The following ADAMDEC1 variants were observed in gnomAD, a reference collection of about 807,000 sequenced individuals.
ADAMDEC1 encodes the protein ADAM DEC1.
Under a neutral mutation model 60.4 loss-of-function variants are expected in ADAMDEC1, and 62 were observed. The ratio of observed to expected loss-of-function variants is 1.03; its 90% CI spans 0.84 to 1.27. ADAMDEC1 has a LOEUF of 1.27. Among genes scored for constraint, ADAMDEC1 ranks in the 50% most tolerant of loss-of-function variants. The pLI is 0.00. For missense variants in ADAMDEC1, 595 were observed against 565.0 expected, an observed-to-expected ratio of 1.05 and a Z score of -0.54; for synonymous variants, 210 against 195.1, an observed-to-expected ratio of 1.08 and a Z score of -0.64.
chr8:24,405,362 C>T lies in ADAMDEC1; in HGVS notation c.*64C>T. The T allele has an allele frequency of 1.3e-6, 2 of 1,574,132 alleles. No homozygotes were observed. The highest frequency in any genetic ancestry group is 1.7e-6 in the Non-Finnish European group (2 of 1,150,226). On this transcript the variant is annotated 3_prime_UTR_variant, in exon 14 of 14. Transcript: ENST00000256412. ...GACAAGAACCAAGAACTCTAACTGTCCCAGGAATCTTGTGAATTTTCACCC... is the reference window on the plus strand; with the variant it reads ...GACAAGAACCAAGAACTCTAACTGTTCCAGGAATCTTGTGAATTTTCACCC...
At chr8:24,386,457 C>T (rs1360671326) in intron 1 of ADAMDEC1, among the ~76,000 whole-genome samples, 1 of 152,158 alleles carries the variant, frequency 6.6e-6, no homozygotes, top group African/African-American at 2.4e-5. Flanking sequence ...TAAAACCACG[C>T]CAGAAGTTTC....
At chr8:24,404,208 C>T (rs928473504) in intron 13 of ADAMDEC1, 120 bp downstream of exon 13, 14 of 844,934 alleles carry the variant, frequency 1.7e-5, no homozygotes, top group Middle Eastern at 2.3e-4. Context: ...ATTTTTCAAA[C>T]GACTCAATTT....
intron 11 of ADAMDEC1, among the ~76,000 whole-genome samples, chr8:24,400,724 G>T (rs191343899): frequency 6.6e-6 from 1 of 150,938 alleles, no homozygotes; most frequent in African/African-American, 2.4e-5. Context: ...TGCCATGTTG[G>T]TGTGCTGCAC....
intron 1 of ADAMDEC1, among the ~76,000 whole-genome samples, chr8:24,388,469 CCTCT>C (rs1164803280): frequency 1.3e-5 from 2 of 151,970 alleles, no homozygotes; most frequent in Admixed American, 1.3e-4. Flanking sequence ...TCATGTTTTT[CCTCT>C]CTTTCTTTCT....
intron 3 of ADAMDEC1, among the ~76,000 whole-genome samples, chr8:24,393,548 C>A (rs549058376): frequency 3.3e-5 from 5 of 152,286 alleles, no homozygotes; most frequent in Admixed American, 2.6e-4. Context: ...AAATGACTTT[C>A]TTCCTTGACC....
chr8:24,397,263 C>T lies in ADAMDEC1; in HGVS notation c.441-7C>T, dbSNP rs773635842. The T allele has an allele frequency of 3.1e-6, 5 of 1,606,102 alleles. No individual in the cohort carries two copies. The Admixed American group carries it at 5.2e-5, about 17-fold the overall frequency. On this transcript the variant is annotated splice_region_variant and splice_polypyrimidine_tract_variant and intron_variant, in intron 5 of 13. Transcript: ENST00000256412. Reference sequence around the variant, plus strand: ...AATCCTGAAATATAAGTCTCTATATCTCCCAGAGGATACTTCACACATCAT... The same window carrying T: ...AATCCTGAAATATAAGTCTCTATATTTCCCAGAGGATACTTCACACATCAT...
chr8:24,385,639 C>T (rs1817272375), intron 1 of ADAMDEC1, among the ~76,000 whole-genome samples: 1 of 152,078 alleles, frequency 6.6e-6, no homozygotes, highest in Admixed American at 6.6e-5. Flanking sequence ...CTAAAACACA[C>T]CATCCCAATG....
At chr8:24,388,794 G>A (rs542886337) in intron 1 of ADAMDEC1, among the ~76,000 whole-genome samples, 199 of 152,222 alleles carry the variant, frequency 1.3e-3, no homozygotes, top group African/African-American at 4.6e-3. Flanking sequence ...GCAGGTCTAC[G>A]CAAATCTGCC....
chr8:24,391,649 C>A (rs553765817), intron 1 of ADAMDEC1, among the ~76,000 whole-genome samples: 2 of 152,128 alleles, frequency 1.3e-5, no homozygotes, highest in Non-Finnish European at 2.9e-5. Context: ...CCAACAAAAA[C>A]TTTATTTCTT....
At chr8:24,385,133 T>C (rs558731698) in intron 1 of ADAMDEC1, among the ~76,000 whole-genome samples, 8 of 152,300 alleles carry the variant, frequency 5.3e-5, no homozygotes, top group African/African-American at 1.9e-4. Flanking sequence ...TGACACACTA[T>C]ACACACCCTA....
At chr8:24,400,518 C>A (rs975870011) in intron 11 of ADAMDEC1, among the ~76,000 whole-genome samples, 1 of 151,876 alleles carries the variant, frequency 6.6e-6, no homozygotes, top group African/African-American at 2.4e-5. Flanking sequence ...ATATTACATT[C>A]TTAACCTAGT....
intron 1 of ADAMDEC1, among the ~76,000 whole-genome samples, chr8:24,388,500 T>C (rs953294043): frequency 3.9e-5 from 6 of 152,108 alleles, no homozygotes; most frequent in African/African-American, 1.4e-4. Flanking sequence ...TCCTCTCTCT[T>C]TCCTTTTCCA....
chr8:24,386,436 C>T (rs1817294607), intron 1 of ADAMDEC1, among the ~76,000 whole-genome samples: 1 of 152,162 alleles, frequency 6.6e-6, no homozygotes, highest in South Asian at 2.1e-4. Flanking sequence ...ATTTGTATTG[C>T]TTTATGTGTA....
intron 1 of ADAMDEC1, among the ~76,000 whole-genome samples, chr8:24,388,454 TA>T (rs1253783579): frequency 2.0e-5 from 3 of 152,134 alleles, no homozygotes; most frequent in African/African-American, 7.2e-5. Context: ...GGGGGCATCA[TA>T]TTCTCATGTT....
At chr8:24,397,841 T>C in intron 7 of ADAMDEC1, 96 bp downstream of exon 7, 2 of 1,166,812 alleles carry the variant, frequency 1.7e-6, no homozygotes, top group Non-Finnish European at 2.5e-6. Context: ...TAGCTAATCA[T>C]GGGGCATTTG....
rs746344939 is a variant in ADAMDEC1 at position 24,397,453 on chromosome 8, A to T, written c.624A>T (p.Pro208=). The T allele has an allele frequency of 6.2e-7, 1 of 1,613,356 alleles. No individual in the cohort carries two copies. The highest frequency in any genetic ancestry group is 8.5e-7 in the Non-Finnish European group (1 of 1,179,768). Reference sequence around the variant, plus strand: ...GAATCTCTAGATCACTCAAAAGCCCAGAGGTGAATACAATTCCCTTACCTC... The same window carrying T: ...GAATCTCTAGATCACTCAAAAGCCCTGAGGTGAATACAATTCCCTTACCTC... ...PIRISRSLKS[P]EKEDFLRAQK... Residue 208 remains proline (P), a synonymous_variant, in exon 6 of 14, where the codon CCA becomes CCT. Coordinates refer to ENST00000256412, the MANE Select transcript of ADAMDEC1 (RefSeq NM_014479.3).
chr8:24,405,130 G>GT (rs1246532427), intron 13 of ADAMDEC1, among the ~76,000 whole-genome samples, 162 bp from the exon 14 acceptor site: 1 of 152,006 alleles, frequency 6.6e-6, no homozygotes, highest in Non-Finnish European at 1.5e-5. Flanking sequence ...AGATAAATTA[G>GT]TTTTTTTCAC....
intron 1 of ADAMDEC1, among the ~76,000 whole-genome samples, chr8:24,385,707 C>T (rs1162716232): frequency 2.0e-5 from 3 of 152,154 alleles, no homozygotes; most frequent in South Asian, 2.1e-4. Flanking sequence ...AGACAACTTC[C>T]GAATCATAGC....
chr8:24,397,435 T>C lies in ADAMDEC1; in HGVS notation c.606T>C (p.Ser202=). Residue 202 remains serine, a synonymous_variant, in exon 6 of 14, where the codon TCT becomes TCC. Transcript: ENST00000256412. ...TDGKQGPIRI[S]RSLKSPEKED... ...GGAAACAAGGCCCAATTCGAATCTC[T>C]AGATCACTCAAAAGCCCAGAGGTGA... The C allele has an allele frequency of 6.2e-7, 1 of 1,613,618 alleles. No individual in the cohort carries two copies. The highest frequency in any genetic ancestry group is 8.5e-7 in the Non-Finnish European group (1 of 1,179,698).
Sources: allele counts gnomAD v4.1 joint callset (sites outside exome capture counted in the v4.1 genomes callset), GRCh38; gene constraint gnomAD v4.1.1; transcripts MANE v1.5; gene names NCBI Gene and HGNC (gene_info 2026-07-23, HGNC 2026-07-21).